The following SLC25A37 variants were observed in gnomAD, a reference collection of about 807,000 sequenced individuals.
SLC25A37 encodes the protein solute carrier family 25 member 37.
In SLC25A37, 17 loss-of-function variants were observed where a neutral mutation model predicts 31.0. That is an observed-to-expected ratio of 0.55 (90% CI 0.38 to 0.82). SLC25A37 has a LOEUF of 0.82. Among genes scored for constraint, SLC25A37 ranks in the 40% least tolerant of loss-of-function variants. The pLI is 0.00. For missense variants in SLC25A37, 404 were observed against 465.8 expected, an observed-to-expected ratio of 0.87 and a Z score of 1.22; for synonymous variants, 222 against 193.0, an observed-to-expected ratio of 1.15 and a Z score of -1.24.
intron 1 of SLC25A37, among the ~76,000 whole-genome samples, chr8:23,555,718 G>A (rs554143933): frequency 5.1e-4 from 78 of 152,302 alleles, no homozygotes; most frequent in African/African-American, 1.9e-3. Flanking sequence ...ACTGTGGCTG[G>A]TCTTTTCAGA....
intron 1 of SLC25A37, among the ~76,000 whole-genome samples, chr8:23,548,340 A>G (rs996678707): frequency 1.3e-5 from 2 of 151,698 alleles, no homozygotes; most frequent in African/African-American, 4.8e-5. Flanking sequence ...CACCACGCCC[A>G]GCTAATTTTT....
intron 1 of SLC25A37, among the ~76,000 whole-genome samples, chr8:23,547,926 C>G (rs1182012085): frequency 1.3e-5 from 2 of 152,156 alleles, no homozygotes; most frequent in Non-Finnish European, 2.9e-5. Flanking sequence ...TCCTTCCTGC[C>G]AGAACCTTTC....
chr8:23,557,758 T>G (rs1287491322), intron 1 of SLC25A37, among the ~76,000 whole-genome samples: 1 of 152,210 alleles, frequency 6.6e-6, no homozygotes, highest in Non-Finnish European at 1.5e-5. Flanking sequence ...CGCATTTTAC[T>G]GTGGTTTATT....
At chr8:23,560,837 A>G (rs930856836) in intron 1 of SLC25A37, among the ~76,000 whole-genome samples, 2 of 152,178 alleles carry the variant, frequency 1.3e-5, no homozygotes, top group African/African-American at 4.8e-5. Context: ...TTATAGTAGG[A>G]TCTGTGTTCT....
At chr8:23,552,032 G>A (rs1802240879) in intron 1 of SLC25A37, among the ~76,000 whole-genome samples, 1 of 152,182 alleles carries the variant, frequency 6.6e-6, no homozygotes, top group Non-Finnish European at 1.5e-5. Context: ...GTAGTCCGAT[G>A]GGAGGGATTC....
intron 1 of SLC25A37, among the ~76,000 whole-genome samples, chr8:23,535,378 A>G (rs1307305884): frequency 6.6e-6 from 1 of 152,164 alleles, no homozygotes; most frequent in Non-Finnish European, 1.5e-5. Context: ...TCCATGTCAT[A>G]GGGAAACCAG....
chr8:23,566,180 A>G lies in SLC25A37; in HGVS notation c.283A>G (p.Met95Val), dbSNP rs1802648756. 1 of 1,606,756 alleles carries G rather than the reference A, an allele frequency of 6.2e-7. No individual in the cohort carries two copies. The highest frequency in any genetic ancestry group is 8.5e-7 in the Non-Finnish European group (1 of 1,177,392). The change falls in exon 2 of 4, where the codon ATG becomes GTG. Residue 95 changes from methionine to valine, a missense_variant. Coordinates refer to ENST00000519973, the MANE Select transcript of SLC25A37 (RefSeq NM_016612.4). ...TSIYGALKKI[M>V]RTEGFWRPLR... ...TATCTACGGAGCCCTCAAGAAAATCATGCGGACCGAAGGCTTCTGGAGGCC... is the reference window on the plus strand; with the variant it reads ...TATCTACGGAGCCCTCAAGAAAATCGTGCGGACCGAAGGCTTCTGGAGGCC...
Position 23,571,468 on chromosome 8 carries a change from C to T in SLC25A37, c.630C>T (p.Pro210=), listed in dbSNP as rs1585207697. The stretch of plus-strand genomic sequence containing the variant: ...CCACGCAGCTGACCATGAACATCCC[C>T]TTCCAGTCCATCCACTTCATCACCT... ...SYTTQLTMNI[P]FQSIHFITYE... The change falls in exon 4 of 4, where the codon CCC becomes CCT. Residue 210 remains proline (P), a synonymous_variant. Transcript: ENST00000519973. 6 of 1,614,048 alleles carry T rather than the reference C, an allele frequency of 3.7e-6. No homozygotes were observed. The highest frequency in any genetic ancestry group is 5.1e-6 in the Non-Finnish European group (6 of 1,179,908).
chr8:23,531,924 G>T (rs1481166078), intron 1 of SLC25A37: 2 of 152,166 alleles, frequency 1.3e-5, no homozygotes, highest in African/African-American at 2.4e-5. Flanking sequence ...ATAAATAAAA[G>T]AAGTTATTAG....
At position 23,529,159 on chromosome 8, in the gene SLC25A37, G is replaced by A. The variant is rs1484649429; in HGVS notation, c.157G>A (p.Ala53Thr). Reference sequence around the variant, plus strand: ...CGTGTCCACCCACATGACAGCAGGAGCGATGGCCGGGATCCTGGAGCACTC... The same window carrying A: ...CGTGTCCACCCACATGACAGCAGGAACGATGGCCGGGATCCTGGAGCACTC... ...ASVSTHMTAGAMAGILEHSVM... is the reference protein window; with the variant it reads ...ASVSTHMTAGTMAGILEHSVM... Residue 53 changes from alanine to threonine, a missense_variant, in exon 1 of 4, where the codon GCG becomes ACG. By Grantham distance (58) the Ala-to-Thr change is moderately conservative. Around this residue, in one of 3 missense-constraint regions of SLC25A37, gnomAD observed 154 missense variants for 153.6 expected, o/e 1.00. Transcript: ENST00000519973. This position sits in a 1 kb window ranked among gnomAD's most constrained non-coding sequence, Gnocchi z 4.1. 1 of 1,611,578 alleles carries A rather than the reference G, an allele frequency of 6.2e-7. No homozygotes were observed. The highest frequency in any genetic ancestry group is 8.5e-7 in the Non-Finnish European group (1 of 1,179,140).
intron 3 of SLC25A37, among the ~76,000 whole-genome samples, chr8:23,571,042 G>A (rs376907200): frequency 2.0e-5 from 3 of 152,194 alleles, no homozygotes; most frequent in Admixed American, 2.0e-4. Flanking sequence ...AGTCTGAAGT[G>A]GCTGCCTGGT....
chr8:23,572,320 A>G lies in SLC25A37; in HGVS notation c.*465A>G, dbSNP rs2117473488. 6.7e-6 allele frequency: 1 copy of G among 148,584 alleles called. No homozygotes were observed. Among genetic ancestry groups the G allele is most frequent in the African/African-American group, 2.5e-5 (1 of 39,722 alleles). 9.2% of individuals were successfully genotyped at this position (148,584 alleles called of 1,614,324 possible). On this transcript the variant is annotated 3_prime_UTR_variant, in exon 4 of 4. Coordinates refer to ENST00000519973, the MANE Select transcript of SLC25A37 (RefSeq NM_016612.4). ...ATGTTTATCCTTTATTTTTCTATGT[A>G]GAAGTTTTTGAATTTGTGTGTGTGC... is the stretch of plus-strand genomic sequence containing the variant.
intron 1 of SLC25A37, among the ~76,000 whole-genome samples, chr8:23,530,162 G>A (rs922530218): frequency 1.3e-5 from 2 of 152,182 alleles, no homozygotes; most frequent in Admixed American, 6.5e-5. Context: ...GGCATAACTC[G>A]CCTAATTCAT....
intron 3 of SLC25A37, among the ~76,000 whole-genome samples, chr8:23,569,402 T>TACACAC (rs10608830): frequency 0.02 from 3,015 of 150,230 alleles, 39 homozygotes; most frequent in South Asian, 0.022. Flanking sequence ...TATGTGTGCA[T>TACACAC]ACACACACAC....
chr8:23,568,283 C>T (rs1802721276), intron 2 of SLC25A37, 39 bp from the exon 3 acceptor site: 8 of 1,611,712 alleles, frequency 5.0e-6, no homozygotes, highest in African/African-American at 1.3e-5. Flanking sequence ...CTGAGAACAC[C>T]CGATCGCAGA....
At chr8:23,563,656 A>G (rs933382186) in intron 1 of SLC25A37, among the ~76,000 whole-genome samples, 7 of 152,214 alleles carry the variant, frequency 4.6e-5, no homozygotes, top group African/African-American at 1.7e-4. Flanking sequence ...AGTCTGTGGT[A>G]GGAAAAAGGG....
chr8:23,550,563 G>T (rs953389624), intron 1 of SLC25A37, among the ~76,000 whole-genome samples: 1 of 152,262 alleles, frequency 6.6e-6, no homozygotes, highest in Non-Finnish European at 1.5e-5. Context: ...ACCACACCTG[G>T]CTTGGGAGAC....
chr8:23,548,808 C>T (rs75868440), intron 1 of SLC25A37, among the ~76,000 whole-genome samples: 1,938 of 152,264 alleles, frequency 0.013, 50 homozygotes, highest in African/African-American at 0.045. Context: ...GGAAACACAG[C>T]ATTAAGGGTA....
intron 1 of SLC25A37, chr8:23,541,401 ATGAC>A (rs1316238279): frequency 1.3e-5 from 2 of 152,366 alleles, no homozygotes; most frequent in African/African-American, 4.8e-5. Context: ...TCCCGGAAGA[ATGAC>A]TGTGTGTGTT....
Sources: gnomAD v4.1 joint callset for allele counts (sites outside exome capture counted in the v4.1 genomes callset) on GRCh38, gnomAD v4.1.1 for gene constraint, gnomAD v4.1.1 regional missense constraint, Gnocchi (gnomAD v3.1) non-coding constraint, MANE v1.5 for transcripts, NCBI Gene and HGNC (gene_info 2026-07-23, HGNC 2026-07-21) for gene names.